The following SRPRA variants were observed in gnomAD, a reference collection of about 807,000 sequenced individuals.
The protein encoded by SRPRA is signal recognition particle receptor subunit alpha.
Under a neutral mutation model 61.1 loss-of-function variants are expected in SRPRA, and 30 were observed. The ratio of observed to expected loss-of-function variants is 0.49; its 90% CI spans 0.37 to 0.67. The LOEUF is 0.67. Among genes scored for constraint, SRPRA ranks in the 30% least tolerant of loss-of-function variants. The probability of loss-of-function intolerance (pLI) is 0.00; values close to 1 mark genes in which losing one functional copy is unlikely to be tolerated. For missense variants in SRPRA, 759 were observed against 828.4 expected (o/e 0.92, Z 1.03); for synonymous variants, 324 against 299.7 (o/e 1.08, Z -0.84).
At chr11:126,260,357 C>T (rs1053424788), downstream of SRPRA, 5 of 151,398 alleles carry the variant, frequency 3.3e-5, no homozygotes, top group African/African-American at 9.7e-5. Context: ...ATGAAGTTTT[C>T]CCTGTGCTTT....
chr11:126,243,344 A>C, the SRPRA span, among the ~76,000 whole-genome samples: 4 of 152,186 alleles, frequency 2.6e-5, no homozygotes, highest in Non-Finnish European at 5.9e-5. Flanking sequence ...CAGGCCTGTA[A>C]GCCCAACGCT....
the SRPRA span, chr11:126,241,160 C>T: frequency 2.7e-6 from 3 of 1,129,828 alleles, no homozygotes; most frequent in East Asian, 2.4e-5. Context: ...TATTCATTTA[C>T]AGCTTGTAGG....
the SRPRA span, among the ~76,000 whole-genome samples, chr11:126,238,873 T>C: frequency 1.3e-5 from 2 of 151,746 alleles, no homozygotes; most frequent in African/African-American, 4.8e-5. Context: ...TTTTTAGGTA[T>C]ATATACCCGC....
chr11:126,262,274 G>T (rs540941191), downstream of SRPRA: 1 of 840,190 alleles, frequency 1.2e-6, no homozygotes, highest in Non-Finnish European at 2.0e-6. Flanking sequence ...GGTAGAAGAG[G>T]GGGGAATGTT....
chr11:126,245,772 G>A, the SRPRA span, among the ~76,000 whole-genome samples: 1 of 152,042 alleles, frequency 6.6e-6, no homozygotes, highest in Non-Finnish European at 1.5e-5. Flanking sequence ...CAAGGCAGGC[G>A]GATCACCTGA....
At chr11:126,248,527 G>A in the SRPRA span, among the ~76,000 whole-genome samples, 5 of 151,604 alleles carry the variant, frequency 3.3e-5, no homozygotes, top group South Asian at 8.4e-4. Flanking sequence ...CCACCACCAC[G>A]CCCAGCTAAT....
At chr11:126,261,453 T>C, downstream of SRPRA, 2 of 1,614,048 alleles carry the variant, frequency 1.2e-6, no homozygotes, top group Non-Finnish European at 1.7e-6. Context: ...GTCAGCTAAA[T>C]GGCTCATCTG....
chr11:126,264,353 G>A lies in SRPRA; in HGVS notation c.1689+23C>T. 6.2e-7 allele frequency: 1 copy of A among 1,613,824 alleles called. No homozygotes were observed. The highest frequency in any genetic ancestry group is 8.5e-7 in the Non-Finnish European group (1 of 1,179,728). ...AATTGACCAAAGCTCAAGTTGTAAAGGGAACTGGGCCCACGCTCTCACCAG... is the reference window on the plus strand; with the variant it reads ...AATTGACCAAAGCTCAAGTTGTAAAAGGAACTGGGCCCACGCTCTCACCAG... On this transcript the variant is annotated intron_variant, in intron 12 of 13. Coordinates refer to ENST00000332118, the MANE Select transcript of SRPRA (RefSeq NM_003139.4). This position sits in a 1 kb window ranked among gnomAD's most constrained non-coding sequence, Gnocchi z 5.0.
At chr11:126,260,229 C>A (rs573609015), downstream of SRPRA, among the ~76,000 whole-genome samples, 1 of 151,994 alleles carries the variant, frequency 6.6e-6, no homozygotes, top group South Asian at 2.1e-4. Flanking sequence ...GATGGGGTTT[C>A]GCCATGTTGC....
Position 126,265,038 on chromosome 11 carries a change from A to G in SRPRA, c.1446T>C (p.Gly482=), listed in dbSNP as rs759220440. The change falls in exon 11 of 14, where the codon GGT becomes GGC. Residue 482 remains glycine (G), a synonymous_variant. Transcript: ENST00000332118. The surrounding 1 kb of genome is among the most constrained non-coding windows in gnomAD (Gnocchi z 6.3). Reference sequence around the variant, plus strand: ...CAAACAACTGCACCATGGTGCGGCCACCATGCTTCTCTGGAGGGTGTAGGG... The same window carrying G: ...CAAACAACTGCACCATGGTGCGGCCGCCATGCTTCTCTGGAGGGTGTAGGG... ...LSALHPPEKH[G]GRTMVQLFEK... is the part of the protein sequence containing the mutation. 1.2e-6 allele frequency: 2 copies of G among 1,614,138 alleles called. No individual in the cohort carries two copies. Among genetic ancestry groups the G allele is most frequent in the South Asian group, 2.2e-5 (2 of 91,070 alleles).
Position 126,264,652 on chromosome 11 carries a change from A to G in SRPRA, c.1526-113T>C. ...ACCTGTTCACTGTCTTGGGCTCTGG[A>G]TTTGGTTCCAAGGTAATGTGAGAAA... is the stretch of plus-strand genomic sequence containing the variant. On this transcript the variant is annotated intron_variant, in intron 11 of 13. Transcript: ENST00000332118. This position sits in a 1 kb window ranked among gnomAD's most constrained non-coding sequence, Gnocchi z 5.0. The G allele has an allele frequency of 7.6e-7, 1 of 1,314,632 alleles. No individual in the cohort carries two copies. Among genetic ancestry groups the G allele is most frequent in the Admixed American group, 2.5e-5 (1 of 40,390 alleles). 81.4% of individuals were successfully genotyped at this position (1,314,632 alleles called of 1,614,324 possible).
chr11:126,262,345 A>T, downstream of SRPRA: 1 of 566,866 alleles, frequency 1.8e-6, no homozygotes, highest in Non-Finnish European at 3.1e-6. Flanking sequence ...AAGTTCAAGA[A>T]TAAAAGCGAC....
chr11:126,245,474 CTAGA>C, the SRPRA span, among the ~76,000 whole-genome samples: 4 of 152,010 alleles, frequency 2.6e-5, no homozygotes, highest in African/African-American at 9.7e-5. Flanking sequence ...CAGAAGAAAA[CTAGA>C]TAAATTGGAC....
the SRPRA span, among the ~76,000 whole-genome samples, chr11:126,236,482 T>TTTG: frequency 2.6e-5 from 4 of 152,142 alleles, no homozygotes; most frequent in South Asian, 2.1e-4. Context: ...TTGTTTCATT[T>TTTG]TTGTTGTTGT....
chr11:126,240,845 T>C, the SRPRA span: 1 of 1,613,894 alleles, frequency 6.2e-7, no homozygotes, highest in Non-Finnish European at 8.5e-7. Context: ...GTGCTAGTGA[T>C]TGGAACAGGC....
At chr11:126,254,220 C>A in the SRPRA span, 1 of 1,497,974 alleles carries the variant, frequency 6.7e-7, no homozygotes, top group South Asian at 1.3e-5. Flanking sequence ...GAAGTCTAGT[C>A]CTCAAAACAG....
chr11:126,246,944 A>G, the SRPRA span, among the ~76,000 whole-genome samples: 1 of 152,294 alleles, frequency 6.6e-6, no homozygotes, highest in Middle Eastern at 3.4e-3. Context: ...ATCTGCTTTA[A>G]GAGAAAAAAA....
chr11:126,256,227 C>T, the SRPRA span, among the ~76,000 whole-genome samples: 48 of 152,348 alleles, frequency 3.2e-4, no homozygotes, highest in Middle Eastern at 6.8e-3. The surrounding 1 kb of genome is among the most constrained non-coding windows in gnomAD (Gnocchi z 6.6). Flanking sequence ...GGTCACACCA[C>T]TACACTCTAG....
In SRPRA at chr11:126,266,573, C is replaced by G; in HGVS notation, c.743G>C (p.Trp248Ser). Residue 248 changes from tryptophan (W) to serine (S), a missense_variant, in exon 6 of 14, where the codon TGG becomes TCG. This residue lies in a region of SRPRA where 475 missense variants were observed against 462.5 expected (regional missense o/e 1.03). Coordinates refer to ENST00000332118, the MANE Select transcript of SRPRA (RefSeq NM_003139.4). ...KEKGKKAPRV[W>S]ELGGCANKEV... ...TTTGTTAGCACAGCCACCCAGTTCC[C>G]ACACCCGGGGTGCTTTTTTGCCCTT... 6.2e-7 allele frequency: 1 copy of G among 1,614,208 alleles called. No homozygotes were observed. The highest frequency in any genetic ancestry group is 1.3e-5 in the African/African-American group (1 of 75,060).
Sources: gnomAD v4.1 joint callset for allele counts (sites outside exome capture counted in the v4.1 genomes callset) on GRCh38, gnomAD v4.1.1 for gene constraint, gnomAD v4.1.1 regional missense constraint, Gnocchi (gnomAD v3.1) non-coding constraint, MANE v1.5 for transcripts, NCBI Gene and HGNC (gene_info 2026-07-23, HGNC 2026-07-21) for gene names.